Variants in FKBP3 observed in about 807,000 individuals in gnomAD.
The protein encoded by FKBP3 is peptidyl-prolyl cis-trans isomerase FKBP3.
Under a neutral mutation model 30.6 loss-of-function variants are expected in FKBP3, and 21 were observed. That is an observed-to-expected ratio of 0.69 (90% CI 0.49 to 0.99). The LOEUF is 0.99. Ranked by LOEUF, FKBP3 falls within the 50% of genes least tolerant of loss-of-function variation. FKBP3 has a pLI of 0.00. For missense variants in FKBP3, 283 were observed against 261.6 expected (o/e 1.08, Z -0.56); for synonymous variants, 82 against 91.3 (o/e 0.90, Z 0.58).
intron 2 of FKBP3, among the ~76,000 whole-genome samples, chr14:45,130,171 A>G (rs1336979884): frequency 1.3e-5 from 2 of 152,230 alleles, no homozygotes; most frequent in Non-Finnish European, 2.9e-5. Flanking sequence ...ACTCATACCC[A>G]GAGATATAAG....
intron 1 of FKBP3, 131 bp downstream of exon 1, chr14:45,134,218 C>A: frequency 1.3e-6 from 1 of 764,384 alleles, no homozygotes; most frequent in East Asian, 2.7e-5. Context: ...TGGGCCTCTC[C>A]GGCCTTCCAG....
chr14:45,115,651 G>A lies in FKBP3; in HGVS notation c.*547C>T, dbSNP rs1482441601. 6.6e-6 allele frequency: 1 copy of A among 152,476 alleles called. No homozygotes were observed. The highest frequency in any genetic ancestry group is 6.5e-5 in the Admixed American group (1 of 15,272). The allele number at this position is 152,476 out of a possible 1,614,324, so 9.4% of individuals were successfully genotyped here. A position where few individuals can be genotyped will look rare whatever the true frequency, so the allele number is the denominator to read the frequency against. ...GATCAATTAGTAATATTAACCTTAT[G>A]TTCACCTTTATTAGTGGCTCATTGG... On this transcript the variant is annotated 3_prime_UTR_variant, in exon 7 of 7. Transcript: ENST00000396062.
intron 1 of FKBP3, 141 bp downstream of exon 1, chr14:45,134,208 T>G (rs887590128): frequency 2.9e-6 from 2 of 690,614 alleles, no homozygotes; most frequent in Non-Finnish European, 5.0e-6. Context: ...AAGCACAAGC[T>G]GGGCCTCTCC....
intron 3 of FKBP3, among the ~76,000 whole-genome samples, chr14:45,123,344 C>G: frequency 6.6e-6 from 1 of 152,130 alleles, no homozygotes; most frequent in South Asian, 2.1e-4. Flanking sequence ...TCAAATAGCT[C>G]AAGGCCTTAT....
Position 45,130,687 on chromosome 14 carries a change from A to G in FKBP3, c.210+12T>C. On this transcript the variant is annotated intron_variant, in intron 2 of 6. Transcript: ENST00000396062. Reference sequence around the variant, plus strand: ...AAGTGATGTTCTGCTAACAGAATCTAACAATACTCACCTTAGTTTCAAAAA... The same window carrying G: ...AAGTGATGTTCTGCTAACAGAATCTGACAATACTCACCTTAGTTTCAAAAA... 1 of 1,489,342 alleles carries G rather than the reference A, an allele frequency of 6.7e-7. No homozygotes were observed. Among genetic ancestry groups the G allele is most frequent in the Non-Finnish European group, 9.2e-7 (1 of 1,088,178 alleles). The allele number at this position is 1,489,342 out of a possible 1,614,324, so 92.3% of individuals were successfully genotyped here.
intron 2 of FKBP3, 139 bp from the exon 3 acceptor site, chr14:45,130,040 A>G: frequency 2.1e-6 from 1 of 467,504 alleles, no homozygotes; most frequent in Admixed American, 3.9e-5. Context: ...TAAATGGTCT[A>G]AGGAAACGAA....
intron 1 of FKBP3, 123 bp downstream of exon 1, chr14:45,134,226 C>T (rs1885312808): frequency 8.3e-6 from 7 of 844,060 alleles, no homozygotes; most frequent in East Asian, 2.6e-5. Context: ...TCCGGCCTTC[C>T]AGGCCACCGG....
At chr14:45,121,047 A>G (rs1884974315) in intron 4 of FKBP3, 93 bp from the exon 5 acceptor site, 1 of 1,054,206 alleles carries the variant, frequency 9.5e-7, no homozygotes, top group African/African-American at 1.6e-5. Context: ...GTGGAAAAAT[A>G]TAGTGGTTTG....
At chr14:45,130,849 A>T in intron 1 of FKBP3, 49 bp from the exon 2 acceptor site, 3 of 1,098,642 alleles carry the variant, frequency 2.7e-6, no homozygotes, top group Non-Finnish European at 4.1e-6. Flanking sequence ...CCGAGTAAGA[A>T]GTGTCTAAAA....
intron 3 of FKBP3, among the ~76,000 whole-genome samples, chr14:45,129,132 C>G (rs1323470518): frequency 6.6e-6 from 1 of 152,332 alleles, no homozygotes; most frequent in East Asian, 1.9e-4. Flanking sequence ...AATAGCCTCA[C>G]CTCTTTACAA....
chr14:45,120,909 C>G lies in FKBP3; in HGVS notation c.500G>C (p.Gly167Ala), dbSNP rs1185856291. ...TACTCCTCTGATAACTTTGCCTACTCCGACCTTAAAACTTAAAGGCTTGGC... is the reference window on the plus strand; with the variant it reads ...TACTCCTCTGATAACTTTGCCTACTGCGACCTTAAAACTTAAAGGCTTGGC... ...KNAKPLSFKVGVGKVIRGWDE... is the reference protein window; with the variant it reads ...KNAKPLSFKVAVGKVIRGWDE... Residue 167 changes from glycine (G) to alanine (A), a missense_variant, in exon 5 of 7, where the codon GGA becomes GCA. Transcript: ENST00000396062. 1.2e-6 allele frequency: 2 copies of G among 1,613,258 alleles called. No individual in the cohort carries two copies. The highest frequency in any genetic ancestry group is 1.7e-6 in the Non-Finnish European group (2 of 1,179,762).
intron 3 of FKBP3, among the ~76,000 whole-genome samples, chr14:45,123,602 C>CTTTTTTTT (rs200242313): frequency 1.2e-5 from 1 of 84,302 alleles, no homozygotes; most frequent in Non-Finnish European, 2.1e-5. Context: ...CTCTCTACTC[C>CTTTTTTTT]TTTTTTTTTT....
Position 45,121,042 on chromosome 14 carries a change from A to G in FKBP3, c.455-88T>C, listed in dbSNP as rs536085412. On this transcript the variant is annotated intron_variant, in intron 4 of 6. Transcript: ENST00000396062. ...TTGGAAATTATTAAATTCCAGTGGA[A>G]AAATATAGTGGTTTGATTTCAGAAT... 1.0e-4 allele frequency: 109 copies of G among 1,086,762 alleles called. No individual in the cohort carries two copies. In the African/African-American group the frequency reaches 1.1e-3, roughly 11 times the overall value. The allele number at this position is 1,086,762 out of a possible 1,614,324, so 67.3% of individuals were successfully genotyped here.
chr14:45,129,432 C>T (rs1885168413), intron 3 of FKBP3, among the ~76,000 whole-genome samples: 1 of 152,160 alleles, frequency 6.6e-6, no homozygotes, highest in South Asian at 2.1e-4. Context: ...ACACCATGTA[C>T]ATTAGAAAAA....
At chr14:45,120,609 G>C (rs541423149) in intron 5 of FKBP3, among the ~76,000 whole-genome samples, 86 of 152,272 alleles carry the variant, frequency 5.6e-4, no homozygotes, top group African/African-American at 2.0e-3. Flanking sequence ...ACATGGAAGG[G>C]ACTAATATTT....
intron 3 of FKBP3, among the ~76,000 whole-genome samples, chr14:45,125,611 T>C (rs556360874): frequency 9.8e-5 from 15 of 152,352 alleles, no homozygotes; most frequent in African/African-American, 3.6e-4. Flanking sequence ...TGACAATGAC[T>C]GATTTAAAAT....
In FKBP3 at chr14:45,121,591, C is replaced by T. The variant is rs754031720; in HGVS notation, c.348G>A (p.Leu116=). The change falls in exon 4 of 7, where the codon CTG becomes CTA. Residue 116 remains leucine, a synonymous_variant. Transcript: ENST00000396062. ...EGPPKYTKSV[L]KKGDKTNFPK... is the part of the protein sequence containing the mutation. ...GAAAGTTGGTTTTATCTCCCTTTTT[C>T]AGAACAGATTTAGTATATTTTGGTG... 1.2e-6 allele frequency: 2 copies of T among 1,613,602 alleles called. No homozygotes were observed. The highest frequency in any genetic ancestry group is 1.7e-5 in the Admixed American group (1 of 59,998).
intron 3 of FKBP3, among the ~76,000 whole-genome samples, chr14:45,122,652 T>C (rs564682424): frequency 1.3e-4 from 20 of 151,796 alleles, no homozygotes; most frequent in African/African-American, 4.3e-4. Flanking sequence ...TACAGGCGCC[T>C]GCCACCACGC....
chr14:45,131,206 ATTC>A (rs1323594084), intron 1 of FKBP3: 3 of 156,942 alleles, frequency 1.9e-5, no homozygotes, highest in Non-Finnish European at 4.2e-5. Context: ...TTTGTAACCC[ATTC>A]TTAGCCGACT....
Sources: allele counts gnomAD v4.1 joint callset (sites outside exome capture counted in the v4.1 genomes callset), GRCh38; gene constraint gnomAD v4.1.1; transcripts MANE v1.5; gene names NCBI Gene and HGNC (gene_info 2026-07-23, HGNC 2026-07-21).